DGCR2: variants seen among roughly 807,000 people sequenced by gnomAD.
DGCR2 encodes the protein DiGeorge syndrome critical region gene 2.
In DGCR2, 24 loss-of-function variants were observed where a neutral mutation model predicts 51.6. That is an observed-to-expected ratio of 0.47 (90% confidence interval 0.34 to 0.65). DGCR2 has a LOEUF of 0.65. Among genes scored for constraint, DGCR2 ranks in the 30% least tolerant of loss-of-function variants. DGCR2 has a pLI of 0.01. For synonymous variants in DGCR2, 340 were observed against 315.4 expected (o/e 1.08, Z -0.82); for missense variants, 765 against 772.1 (o/e 0.99, Z 0.11).
At chr22:19,069,357 T>C (rs1441813455) in intron 2 of DGCR2, among the ~76,000 whole-genome samples, 1 of 152,256 alleles carries the variant, frequency 6.6e-6, no homozygotes, top group Non-Finnish European at 1.5e-5. Context: ...GACTTTGCAA[T>C]GGTTTTTATT....
chr22:19,117,373 G>A (rs1482595426), intron 1 of DGCR2, among the ~76,000 whole-genome samples: 1 of 152,238 alleles, frequency 6.6e-6, no homozygotes, highest in Non-Finnish European at 1.5e-5. Flanking sequence ...ATGCAGTGAT[G>A]CCAGCTTGCC....
chr22:19,081,637 C>A (rs1398658086), intron 2 of DGCR2, among the ~76,000 whole-genome samples: 1 of 152,198 alleles, frequency 6.6e-6, no homozygotes, highest in Non-Finnish European at 1.5e-5. Context: ...CTCCTTTACA[C>A]CCACTCTGGA....
intron 6 of DGCR2, among the ~76,000 whole-genome samples, chr22:19,054,135 G>C (rs563784467): frequency 6.6e-6 from 1 of 152,330 alleles, no homozygotes; most frequent in African/African-American, 2.4e-5. Flanking sequence ...GTGGATTACT[G>C]TATGGTACTG....
chr22:19,041,117 T>G lies in DGCR2; in HGVS notation c.1337A>C (p.Asp446Ala). The G allele has an allele frequency of 6.2e-7, 1 of 1,613,116 alleles. No individual in the cohort carries two copies. The highest frequency in any genetic ancestry group is 8.5e-7 in the Non-Finnish European group (1 of 1,179,530). ...GGAGGCCTCGTAGGGCGGCGGAGGG[T>G]CGTCGGGCTGGCCGATGTCCGGGTA... ...YKYPDIGQPD[D>A]PPPPYEASIH... The change falls in exon 9 of 10, where the codon GAC becomes GCC. Residue 446 changes from aspartate to alanine, a missense_variant. This residue lies in a region of DGCR2 where 205 missense variants were observed against 181.4 expected (regional missense o/e 1.13). Coordinates refer to ENST00000263196, the MANE Select transcript of DGCR2 (RefSeq NM_005137.3).
intron 2 of DGCR2, among the ~76,000 whole-genome samples, chr22:19,081,873 A>G (rs192895959): frequency 3.3e-5 from 5 of 152,212 alleles, no homozygotes; most frequent in Non-Finnish European, 7.3e-5. Context: ...TAGTCTTAGA[A>G]TACTAACGAG....
Position 19,121,292 on chromosome 22 carries a change from T to C in DGCR2, c.79+836A>G, listed in dbSNP as rs564913862. Among the ~76,000 whole-genome samples the C allele has an allele frequency of 9.8e-5, 15 of 152,364 alleles. 1 individual carries two copies. The South Asian group carries it at 2.9e-3, about 29-fold the overall frequency. ...ATTTGACCTAAAAGTTCATTTTTTT[T>C]CTGCTGACTTTAAAAAAAAATAAAA... On this transcript the variant is annotated intron_variant, in intron 1 of 9. Transcript: ENST00000263196.
chr22:19,100,414 A>G (rs1390314200), intron 1 of DGCR2, among the ~76,000 whole-genome samples: 1 of 152,216 alleles, frequency 6.6e-6, no homozygotes, highest in African/African-American at 2.4e-5. Context: ...ACACTTTATG[A>G]AACAATCCAT....
intron 5 of DGCR2, 116 bp downstream of exon 5, chr22:19,063,086 T>TCCATTTC: frequency 2.1e-6 from 2 of 934,692 alleles, no homozygotes; most frequent in Non-Finnish European, 3.3e-6. Context: ...GCTCACCCAC[T>TCCATTTC]CCCTGCACAG....
intron 7 of DGCR2, among the ~76,000 whole-genome samples, chr22:19,044,866 T>C (rs148833527): frequency 2.0e-5 from 3 of 152,390 alleles, no homozygotes; most frequent in Admixed American, 2.0e-4. Context: ...TTATGTATTC[T>C]GAATACAGAC....
intron 5 of DGCR2, among the ~76,000 whole-genome samples, chr22:19,060,089 C>T (rs1224899044): frequency 6.6e-6 from 1 of 152,212 alleles, no homozygotes; most frequent in Non-Finnish European, 1.5e-5. Context: ...GTCTCCCCTC[C>T]AAGAACTGTG....
intron 2 of DGCR2, among the ~76,000 whole-genome samples, chr22:19,077,177 A>C (rs2082887462): frequency 6.6e-6 from 1 of 152,146 alleles, no homozygotes; most frequent in South Asian, 2.1e-4. Context: ...TTTAATTAAT[A>C]GAAGTTTTAA....
At chr22:19,104,268 G>T (rs1190675176) in intron 1 of DGCR2, among the ~76,000 whole-genome samples, 1 of 152,156 alleles carries the variant, frequency 6.6e-6, no homozygotes, top group Non-Finnish European at 1.5e-5. Context: ...TTTGGGCTAT[G>T]CAACGCCCAG....
chr22:19,063,789 C>A (rs1287241426), intron 4 of DGCR2, among the ~76,000 whole-genome samples: 1 of 152,174 alleles, frequency 6.6e-6, no homozygotes, highest in Non-Finnish European at 1.5e-5. Context: ...GTAAAGCTTT[C>A]ACAATTTAAG....
intron 1 of DGCR2, among the ~76,000 whole-genome samples, chr22:19,113,375 A>T: frequency 7.9e-6 from 1 of 126,260 alleles, no homozygotes; most frequent in African/African-American, 4.2e-5. Flanking sequence ...TCTCAAAAAA[A>T]TAAAAATAAA....
intron 5 of DGCR2, among the ~76,000 whole-genome samples, chr22:19,059,405 T>G (rs796967891): frequency 3.3e-5 from 5 of 152,084 alleles, no homozygotes; most frequent in African/African-American, 1.2e-4. Flanking sequence ...GATACTGCAC[T>G]GGGGATGACT....
intron 1 of DGCR2, 127 bp downstream of exon 1, chr22:19,122,001 A>G (rs2083439041): frequency 1.9e-6 from 1 of 526,494 alleles, no homozygotes; most frequent in Non-Finnish European, 2.7e-6. Flanking sequence ...CCCGCGAGCC[A>G]GGCCCCGCCC....
chr22:19,089,795 G>A (rs1272767809), intron 1 of DGCR2, among the ~76,000 whole-genome samples: 1 of 152,216 alleles, frequency 6.6e-6, no homozygotes, highest in East Asian at 1.9e-4. Flanking sequence ...TGGCCAGGCT[G>A]GTCTTGAACT....
At chr22:19,103,252 T>C (rs1416873656) in intron 1 of DGCR2, among the ~76,000 whole-genome samples, 1 of 150,920 alleles carries the variant, frequency 6.6e-6, no homozygotes, top group African/African-American at 2.4e-5. Context: ...GGAGTTACTG[T>C]TTAAAAAGTA....
At chr22:19,107,680 T>C (rs542923063) in intron 1 of DGCR2, among the ~76,000 whole-genome samples, 2 of 152,316 alleles carry the variant, frequency 1.3e-5, no homozygotes, top group South Asian at 4.1e-4. Flanking sequence ...ACCTATTCCA[T>C]GAGTGACACT....
Sources: gnomAD v4.1 joint callset for allele counts (sites outside exome capture counted in the v4.1 genomes callset) on GRCh38, gnomAD v4.1.1 for gene constraint, gnomAD v4.1.1 regional missense constraint, MANE v1.5 for transcripts, NCBI Gene and HGNC (gene_info 2026-07-23, HGNC 2026-07-21) for gene names.